Variants in A2M observed in about 807,000 individuals in gnomAD.
A2M encodes the protein C3 and PZP-like alpha-2-macroglobulin domain-containing protein 5.
A neutral mutation model predicts 183.9 loss-of-function variants in A2M; 128 were observed. The ratio of observed to expected loss-of-function variants is 0.70; its 90% CI spans 0.60 to 0.81. The LOEUF (loss-of-function observed/expected upper bound fraction) is 0.81. A2M is among the 30% of genes least tolerant of loss of function. The pLI is 0.00. For synonymous variants in A2M, 592 were observed against 670.8 expected, an observed-to-expected ratio of 0.88 and a Z score of 1.81; for missense variants, 1,495 against 1,787.6, an observed-to-expected ratio of 0.84 and a Z score of 2.95.
chr12:9,080,414 A>C (rs1024462112), intron 22 of A2M: 1 of 295,354 alleles, frequency 3.4e-6, no homozygotes, highest in South Asian at 1.0e-4. Flanking sequence ...ATCGCATGCC[A>C]AATAAGACAA....
At chr12:9,104,171 T>C in intron 11 of A2M, 68 bp downstream of exon 11, 1 of 1,493,672 alleles carries the variant, frequency 6.7e-7, no homozygotes, top group South Asian at 1.3e-5. Context: ...GGAAATTTTC[T>C]CACCCTTAGG....
intron 34 of A2M, 64 bp downstream of exon 34, chr12:9,068,676 T>G: frequency 7.6e-7 from 1 of 1,308,448 alleles, no homozygotes; most frequent in Non-Finnish European, 1.1e-6. Flanking sequence ...CCAACACATC[T>G]CCTAAACCTG....
At chr12:9,103,492 T>C (rs1938049369) in intron 11 of A2M, among the ~76,000 whole-genome samples, 1 of 152,168 alleles carries the variant, frequency 6.6e-6, no homozygotes, top group African/African-American at 2.4e-5. Flanking sequence ...ATTAAGTATA[T>C]CTGTTGTGCA....
intron 15 of A2M, among the ~76,000 whole-genome samples, chr12:9,096,606 T>C (rs1949388578): frequency 6.6e-6 from 1 of 152,194 alleles, no homozygotes; most frequent in South Asian, 2.1e-4. Flanking sequence ...TCAAGTCCAT[T>C]TGAAGGTGAG....
chr12:9,098,489 A>G, intron 15 of A2M, 118 bp downstream of exon 15: 1 of 1,152,168 alleles, frequency 8.7e-7, no homozygotes, highest in Non-Finnish European at 1.2e-6. Flanking sequence ...AGCTCAAAGC[A>G]ATTAATTCCT....
intron 33 of A2M, 157 bp from the exon 34 acceptor site, chr12:9,068,999 A>T (rs1013053150): frequency 1.9e-6 from 1 of 524,982 alleles, no homozygotes; most frequent in East Asian, 3.0e-5. Flanking sequence ...CTCAGAGGGG[A>T]TGATAAATTC....
At chr12:9,106,192 G>C (rs1481879855) in intron 10 of A2M, 44 bp downstream of exon 10, 1 of 1,150,946 alleles carries the variant, frequency 8.7e-7, no homozygotes, top group South Asian at 1.3e-5. Flanking sequence ...GTGCTAATTA[G>C]GTAACAGTAC....
In A2M at chr12:9,106,292, G is replaced by T. The variant is rs1000594659; in HGVS notation, c.1048C>A (p.Leu350Ile). ...TGTGAGTCCACTTTCACAAATGAGA[G>T]TTTGGTTATGGTTCTTGTGATTTCA... is the stretch of plus-strand genomic sequence containing the variant. ...SSEITRTITK[L>I]SFVKVDSHFR... Residue 350 changes from leucine (L) to isoleucine (I), a missense_variant, in exon 10 of 36, where the codon CTC becomes ATC. By Grantham distance (5) the Leu-to-Ile change is conservative. Coordinates refer to ENST00000318602, the MANE Select transcript of A2M (RefSeq NM_000014.6). 2 of 1,613,366 alleles carry T rather than the reference G, an allele frequency of 1.2e-6. No homozygotes were observed. The highest frequency in any genetic ancestry group is 8.5e-7 in the Non-Finnish European group (1 of 1,179,532).
At position 9,099,332 on chromosome 12, in the gene A2M, G is replaced by A. The variant is rs1592375193; in HGVS notation, c.1701+49C>T. The A allele has an allele frequency of 4.0e-6, 6 of 1,511,708 alleles. No homozygotes were observed. The East Asian group carries it at 1.5e-4, about 37-fold the overall frequency. 93.6% of individuals were successfully genotyped at this position (1,511,708 alleles called of 1,614,324 possible). ...ATGTGTAAAACAAATGATAACAATA[G>A]TAACTTCTAGTTTTACATGTTGAAG... On this transcript the variant is annotated intron_variant, in intron 14 of 35. Transcript: ENST00000318602.
In A2M at chr12:9,074,550, A is replaced by G. The variant is rs1217619184; in HGVS notation, c.3756+10T>C. The G allele has an allele frequency of 1.3e-6, 2 of 1,598,876 alleles. No homozygotes were observed. Among genetic ancestry groups the G allele is most frequent in the Non-Finnish European group, 1.7e-6 (2 of 1,171,754 alleles). On this transcript the variant is annotated intron_variant, in intron 29 of 35. Coordinates refer to ENST00000318602, the MANE Select transcript of A2M (RefSeq NM_000014.6). ...GAAGGTGAAATAAAAGGTTTTGGCA[A>G]ATCACCAACCTGGGTGGAGGAGAAA...
intron 11 of A2M, among the ~76,000 whole-genome samples, chr12:9,103,417 A>AACAC (rs757206092): frequency 2.6e-5 from 4 of 151,276 alleles, no homozygotes; most frequent in African/African-American, 9.7e-5. Flanking sequence ...AGTTATTATA[A>AACAC]ACACACACAC....
intron 31 of A2M, 31 bp downstream of exon 31, chr12:9,072,328 A>AAG: frequency 6.2e-7 from 1 of 1,608,574 alleles, no homozygotes; most frequent in Non-Finnish European, 8.5e-7. Context: ...GGTTATTCTT[A>AAG]GGATTAGGTG....
At chr12:9,093,669 A>C in intron 17 of A2M, 90 bp from the exon 18 acceptor site, 1 of 742,872 alleles carries the variant, frequency 1.3e-6, no homozygotes, top group Non-Finnish European at 2.0e-6. Flanking sequence ...AAAAAAAACA[A>C]AAAACAAATC....
intron 11 of A2M, among the ~76,000 whole-genome samples, chr12:9,102,414 C>T (rs756070010): frequency 3.3e-5 from 5 of 152,108 alleles, no homozygotes; most frequent in African/African-American, 7.2e-5. Context: ...CAGGGTTTCA[C>T]CACGTTGCCT....
At chr12:9,111,709 C>G (rs775855872) in intron 4 of A2M, among the ~76,000 whole-genome samples, 9 of 152,164 alleles carry the variant, frequency 5.9e-5, no homozygotes, top group African/African-American at 2.2e-4. Context: ...GTCTGCATTA[C>G]AATAGAAAGA....
At chr12:9,101,910 T>G (rs945614832) in intron 11 of A2M, among the ~76,000 whole-genome samples, 3 of 152,170 alleles carry the variant, frequency 2.0e-5, no homozygotes, top group African/African-American at 7.2e-5. Flanking sequence ...CTTAAGAGCA[T>G]AAAAGGAGGC....
intron 11 of A2M, among the ~76,000 whole-genome samples, chr12:9,103,067 T>C (rs1293459410): frequency 6.6e-6 from 1 of 152,202 alleles, no homozygotes; most frequent in African/African-American, 2.4e-5. Context: ...CTTATATTGG[T>C]ATGAACAGGT....
In A2M at chr12:9,102,451, C is replaced by T. The variant is rs747737132; in HGVS notation, c.1267-777G>A. 1.4e-3 allele frequency among the ~76,000 whole-genome samples: 214 copies of T among 152,142 alleles called. 1 individual carries two copies. Among genetic ancestry groups the T allele is most frequent in the African/African-American group, 4.7e-3 (194 of 41,528 alleles). ...GGCTCGTCTCGATCTCCTGGCCTCA[C>T]GCAATCCACCCACCTCAGCCTCCCA... On this transcript the variant is annotated intron_variant, in intron 11 of 35. Transcript: ENST00000318602.
At chr12:9,113,676 T>C in intron 1 of A2M, 133 bp from the exon 2 acceptor site, 1 of 936,346 alleles carries the variant, frequency 1.1e-6, no homozygotes, top group Non-Finnish European at 1.6e-6. Context: ...AGCATGAAAT[T>C]TGGCCGTTGA....
Sources: gnomAD v4.1 joint callset for allele counts (sites outside exome capture counted in the v4.1 genomes callset) on GRCh38, gnomAD v4.1.1 for gene constraint, MANE v1.5 for transcripts, NCBI Gene and HGNC (gene_info 2026-07-23, HGNC 2026-07-21) for gene names.